RASSF3: variants seen among roughly 807,000 people sequenced by gnomAD.
RASSF3 encodes Ras association domain family member 3, also known as ras association domain-containing protein 3.
RASSF3 carries 19 observed loss-of-function variants against 19.9 expected under a neutral mutation model. That is an observed-to-expected ratio of 0.96 (90% CI 0.67 to 1.40). The LOEUF (loss-of-function observed/expected upper bound fraction) is 1.40. RASSF3 is among the 40% of genes most tolerant of loss of function. The probability of loss-of-function intolerance (pLI) is 0.00; values close to 1 mark genes in which losing one functional copy is unlikely to be tolerated. For missense variants in RASSF3, 306 were observed against 289.8 expected (o/e 1.06, Z -0.41); for synonymous variants, 110 against 104.2 (o/e 1.06, Z -0.34).
chr12:64,656,679 T>C (rs1005497098), intron 1 of RASSF3, among the ~76,000 whole-genome samples: 4 of 152,076 alleles, frequency 2.6e-5, no homozygotes, highest in African/African-American at 4.8e-5. Flanking sequence ...ATAAAAAAAA[T>C]CACACCAGGC....
chr12:64,604,704 C>G (rs1311215290), intron 2 of RASSF3, among the ~76,000 whole-genome samples: 1 of 151,406 alleles, frequency 6.6e-6, no homozygotes, highest in Non-Finnish European at 1.5e-5. Context: ...GTGGCGCGAT[C>G]TCGGCTCACT....
chr12:64,603,076 G>A (rs1048918878), intron 2 of RASSF3, among the ~76,000 whole-genome samples: 1 of 152,008 alleles, frequency 6.6e-6, no homozygotes, highest in Non-Finnish European at 1.5e-5. Flanking sequence ...TTCAGTCTGG[G>A]TGACAGAGCA....
intron 1 of RASSF3, among the ~76,000 whole-genome samples, chr12:64,646,285 T>C (rs1476632135): frequency 3.3e-5 from 5 of 152,198 alleles, no homozygotes; most frequent in Admixed American, 6.5e-5. Flanking sequence ...TAGTAGATAT[T>C]ACCAGTTTTC....
At chr12:64,637,496 C>G (rs1871364415) in intron 1 of RASSF3, among the ~76,000 whole-genome samples, 1 of 145,558 alleles carries the variant, frequency 6.9e-6, no homozygotes, top group African/African-American at 2.5e-5. Context: ...GTGGCGTGAT[C>G]TCGGCTCACT....
intron 2 of RASSF3, among the ~76,000 whole-genome samples, chr12:64,561,045 G>C (rs1869338056): frequency 6.6e-6 from 1 of 152,206 alleles, no homozygotes; most frequent in Admixed American, 6.5e-5. Context: ...GTTGTGCCCT[G>C]CTTGCTCAGT....
At chr12:64,543,717 T>C (rs1201960592), downstream of RASSF3, among the ~76,000 whole-genome samples, 2 of 151,410 alleles carry the variant, frequency 1.3e-5, no homozygotes, top group Admixed American at 1.3e-4. Flanking sequence ...GCTGGGCTCC[T>C]GAGTCTAGTG....
At position 64,688,243 on chromosome 12, in the gene RASSF3, A is replaced by T; in HGVS notation, c.247A>T (p.Ile83Phe). 1 of 1,614,116 alleles carries T rather than the reference A, an allele frequency of 6.2e-7. No homozygotes were observed. Among genetic ancestry groups the T allele is most frequent in the Non-Finnish European group, 8.5e-7 (1 of 1,179,942 alleles). Residue 83 changes from isoleucine (I) to phenylalanine (F), a missense_variant, in exon 3 of 5, where the codon ATT (isoleucine) becomes TTT (phenylalanine). Ile to Phe is a conservative substitution (Grantham distance 21). Coordinates refer to ENST00000542104, the MANE Select transcript of RASSF3 (RefSeq NM_178169.4). ...TTCAAATGGGATTTACACTGGCTTC[A>T]TTAAAGTACAGATGGAACTCTGCAA... is the stretch of plus-strand genomic sequence containing the variant. ...LNSNGIYTGF[I>F]KVQMELCKPP... is the part of the protein sequence containing the mutation.
At chr12:64,517,859 T>C (rs761196280) in intron 1 of RASSF3, among the ~76,000 whole-genome samples, 8 of 152,080 alleles carry the variant, frequency 5.3e-5, no homozygotes, top group Non-Finnish European at 1.2e-4. Context: ...GCTCAAGTGA[T>C]CCTCCTACTT....
chr12:64,691,484 C>G lies in RASSF3; in HGVS notation c.472C>G (p.Leu158Val), dbSNP rs368716168. ...TCTTTACCCAGTCTACGCCTGCAAGCTCTCAGACCGGGAACATCCACTCTA... is the reference window on the plus strand; with the variant it reads ...TCTTTACCCAGTCTACGCCTGCAAGGTCTCAGACCGGGAACATCCACTCTA... ...HREDQVYACK[L>V]SDREHPLYLR... The change falls in exon 4 of 5, where the codon CTC (leucine) becomes GTC (valine). Residue 158 changes from leucine to valine, a missense_variant. Leu to Val is a conservative substitution (Grantham distance 32). Coordinates refer to ENST00000542104, the MANE Select transcript of RASSF3 (RefSeq NM_178169.4). The G allele has an allele frequency of 1.2e-6, 2 of 1,612,856 alleles. No homozygotes were observed. Among genetic ancestry groups the G allele is most frequent in the African/African-American group, 2.7e-5 (2 of 74,904 alleles).
At chr12:64,645,814 T>A (rs1037267820) in intron 1 of RASSF3, among the ~76,000 whole-genome samples, 3 of 152,212 alleles carry the variant, frequency 2.0e-5, no homozygotes, top group Admixed American at 6.5e-5. Context: ...AGTCTCTATG[T>A]TTAACTACCA....
At chr12:64,654,660 G>A (rs951381138) in intron 1 of RASSF3, 1 of 108,136 alleles carries the variant, frequency 9.2e-6, no homozygotes, top group African/African-American at 3.6e-5. Flanking sequence ...GGGGGGGTGG[G>A]GGGAAGCCAG....
Position 64,676,885 on chromosome 12 carries a change from C to G in RASSF3, c.112-7902C>G, listed in dbSNP as rs138630664. Among the ~76,000 whole-genome samples the G allele has an allele frequency of 3.8e-3, 574 of 152,086 alleles. 5 individuals are homozygous for G. The highest frequency in any genetic ancestry group is 4.2e-3 in the Non-Finnish European group (286 of 68,016). On this transcript the variant is annotated intron_variant, in intron 1 of 4. Coordinates refer to ENST00000542104, the MANE Select transcript of RASSF3 (RefSeq NM_178169.4). The stretch of plus-strand genomic sequence containing the variant: ...CTGGGCTCAAGTGATCCTCCTGCCT[C>G]AGCCTCCCAAGTAGCTGTGACTACA...
At chr12:64,690,816 C>T (rs1265120969) in intron 3 of RASSF3, among the ~76,000 whole-genome samples, 4 of 148,284 alleles carry the variant, frequency 2.7e-5, no homozygotes, top group African/African-American at 1.0e-4. Flanking sequence ...GTAGTGGACC[C>T]TTTTTTAGGT....
At chr12:64,694,622 C>G in intron 4 of RASSF3, 141 bp from the exon 5 acceptor site, 1 of 878,036 alleles carries the variant, frequency 1.1e-6, no homozygotes, top group South Asian at 1.5e-5. Context: ...CTGGCAACAC[C>G]CCAGCTCTTG....
chr12:64,671,785 C>T (rs1477325141), intron 1 of RASSF3, among the ~76,000 whole-genome samples: 1 of 152,236 alleles, frequency 6.6e-6, no homozygotes, highest in Admixed American at 6.5e-5. Context: ...TACCAGCGTC[C>T]TGAATTGACG....
At chr12:64,510,201 C>T (rs1868320513) in intron 1 of RASSF3, among the ~76,000 whole-genome samples, 5 of 151,964 alleles carry the variant, frequency 3.3e-5, no homozygotes, top group Non-Finnish European at 7.4e-5. Context: ...ATCTTTTCTT[C>T]TATCTCCAGT....
chr12:64,511,076 C>T (rs1235792329), intron 1 of RASSF3, among the ~76,000 whole-genome samples: 2 of 152,110 alleles, frequency 1.3e-5, no homozygotes, highest in East Asian at 1.9e-4. Flanking sequence ...TCATAAATGC[C>T]GTGAAACTAA....
intron 1 of RASSF3, among the ~76,000 whole-genome samples, chr12:64,641,759 T>C (rs975028229): frequency 1.3e-5 from 2 of 152,014 alleles, no homozygotes; most frequent in African/African-American, 2.4e-5. Context: ...TTTTTTTTTT[T>C]TGGATGGAGT....
chr12:64,551,183 A>G (rs1223996487), intron 2 of RASSF3, among the ~76,000 whole-genome samples: 3 of 152,240 alleles, frequency 2.0e-5, no homozygotes, highest in Non-Finnish European at 4.4e-5. Flanking sequence ...GCACAGATTA[A>G]GAGCAAGGAC....
Sources: allele counts gnomAD v4.1 joint callset (sites outside exome capture counted in the v4.1 genomes callset), GRCh38; gene constraint gnomAD v4.1.1; transcripts MANE v1.5; gene names NCBI Gene and HGNC (gene_info 2026-07-23, HGNC 2026-07-21).